RALGPS2: variants seen among roughly 807,000 people sequenced by gnomAD.
RALGPS2 encodes ras-specific guanine nucleotide-releasing factor RalGPS2.
Under a neutral mutation model 86.8 loss-of-function variants are expected in RALGPS2, and 43 were observed. The ratio of observed to expected loss-of-function variants is 0.50; its 90% CI spans 0.39 to 0.64. The LOEUF is 0.64. Ranked by LOEUF, RALGPS2 falls within the 30% of genes least tolerant of loss-of-function variation. The probability of loss-of-function intolerance (pLI) is 0.00; values close to 1 mark genes in which losing one functional copy is unlikely to be tolerated. For missense variants in RALGPS2, 536 were observed against 694.6 expected, an observed-to-expected ratio of 0.77 and a Z score of 2.57; for synonymous variants, 243 against 231.3, an observed-to-expected ratio of 1.05 and a Z score of -0.46.
At chr1:178,806,637 G>C (rs1654761715) in intron 4 of RALGPS2, among the ~76,000 whole-genome samples, 5 of 151,878 alleles carry the variant, frequency 3.3e-5, no homozygotes. Context: ...TTTGTTCTCT[G>C]AATATTTCTT....
intron 8 of RALGPS2, among the ~76,000 whole-genome samples, chr1:178,848,834 C>T (rs1317419651): frequency 1.3e-5 from 2 of 151,994 alleles, no homozygotes; most frequent in Non-Finnish European, 2.9e-5. Context: ...TTCACCATGT[C>T]GGCCAGGCTG....
At chr1:178,884,028 A>G (rs1030346427) in intron 11 of RALGPS2, among the ~76,000 whole-genome samples, 3 of 152,202 alleles carry the variant, frequency 2.0e-5, no homozygotes, top group Non-Finnish European at 4.4e-5. Flanking sequence ...AGTAGTGTAC[A>G]AACAAGTATG....
At chr1:178,788,780 T>G (rs1181923011) in intron 4 of RALGPS2, among the ~76,000 whole-genome samples, 1 of 152,064 alleles carries the variant, frequency 6.6e-6, no homozygotes, top group Non-Finnish European at 1.5e-5. Flanking sequence ...GTCGCTCTTT[T>G]TTTTCTCTTC....
chr1:178,878,403 T>C (rs997016030), intron 9 of RALGPS2, among the ~76,000 whole-genome samples: 1 of 152,172 alleles, frequency 6.6e-6, no homozygotes, highest in South Asian at 2.1e-4. Flanking sequence ...AAAAACTTCC[T>C]AAAACTATCA....
rs71108081 is a variant in RALGPS2, at chr1:178,856,394, A to ATTTTTTTTTTTTTT, written c.608-21085_608-21072dup. On this transcript the variant is annotated intron_variant, in intron 8 of 19. Coordinates refer to ENST00000367635, the MANE Select transcript of RALGPS2 (RefSeq NM_152663.5). The stretch of plus-strand genomic sequence containing the variant: ...AGGCAAGTGCCACCCTGCCTGGCTA[A>ATTTTTTTTTTTTTT]TTTTTTTTTTTTTTTTTTTTTTTTT... Among the ~76,000 whole-genome samples the ATTTTTTTTTTTTTT allele has an allele frequency of 2.6e-3, 95 of 36,432 alleles. 21 individuals are homozygous for ATTTTTTTTTTTTTT. The highest frequency in any genetic ancestry group is 4.8e-3 in the African/African-American group (33 of 6,868). The allele number at this position is 36,432 out of a possible 152,430, so 23.9% of individuals were successfully genotyped here.
intron 1 of RALGPS2, among the ~76,000 whole-genome samples, chr1:178,739,303 T>C (rs1650893580): frequency 6.6e-6 from 1 of 152,210 alleles, no homozygotes; most frequent in Non-Finnish European, 1.5e-5. Flanking sequence ...GAGAGTGTTA[T>C]CATAAAAGTA....
chr1:178,808,967 C>T lies in RALGPS2; in HGVS notation c.297+839C>T, dbSNP rs140171728. 1.2e-3 allele frequency among the ~76,000 whole-genome samples: 180 copies of T among 152,176 alleles called. 1 individual carries two copies. Among genetic ancestry groups the T allele is most frequent in the East Asian group, 7.0e-3 (36 of 5,170 alleles). ...CTGCAACCAGTCCTCCTGACTCAGC[C>T]TCTCAGGTAGCCAGGACTACAGGCA... is the stretch of plus-strand genomic sequence containing the variant. On this transcript the variant is annotated intron_variant, in intron 5 of 19. Coordinates refer to ENST00000367635, the MANE Select transcript of RALGPS2 (RefSeq NM_152663.5).
intron 6 of RALGPS2, among the ~76,000 whole-genome samples, chr1:178,816,423 A>C (rs1260115093): frequency 6.6e-6 from 1 of 152,036 alleles, no homozygotes; most frequent in Non-Finnish European, 1.5e-5. Context: ...CCATATTTTT[A>C]ATAGGATTGT....
chr1:178,755,848 T>C (rs1353320392), intron 1 of RALGPS2, among the ~76,000 whole-genome samples: 1 of 151,684 alleles, frequency 6.6e-6, no homozygotes, highest in African/African-American at 2.4e-5. Context: ...CTCCAACATC[T>C]CTTATTTCTT....
At chr1:178,730,061 C>T (rs1650247868) in intron 1 of RALGPS2, among the ~76,000 whole-genome samples, 1 of 152,212 alleles carries the variant, frequency 6.6e-6, no homozygotes, top group Non-Finnish European at 1.5e-5. Context: ...CCTGCCTCAG[C>T]TTCCCAGGTA....
At chr1:178,844,400 A>T (rs953664949) in intron 8 of RALGPS2, among the ~76,000 whole-genome samples, 3 of 152,110 alleles carry the variant, frequency 2.0e-5, no homozygotes, top group African/African-American at 7.2e-5. Context: ...ATGCTGGTAA[A>T]ACTCTTATTT....
chr1:178,770,507 C>CTTTTTT (rs747336558), intron 1 of RALGPS2, among the ~76,000 whole-genome samples: 2 of 136,212 alleles, frequency 1.5e-5, no homozygotes, highest in African/African-American at 2.7e-5. Flanking sequence ...ATACTTCATA[C>CTTTTTT]TTTTTTTTTT....
intron 8 of RALGPS2, among the ~76,000 whole-genome samples, chr1:178,837,218 C>G (rs1656323468): frequency 1.3e-5 from 2 of 152,126 alleles, no homozygotes; most frequent in South Asian, 4.1e-4. Flanking sequence ...ATCTGTATAT[C>G]TTAGCTATCT....
chr1:178,852,419 T>C (rs1344386867), intron 8 of RALGPS2, among the ~76,000 whole-genome samples: 1 of 152,206 alleles, frequency 6.6e-6, no homozygotes, highest in Non-Finnish European at 1.5e-5. Context: ...TGTAGGCACT[T>C]GCATTTTATT....
Position 178,792,555 on chromosome 1 carries a change from T to C in RALGPS2, c.213+6948T>C, listed in dbSNP as rs964312559. The stretch of plus-strand genomic sequence containing the variant: ...CTGTCTGTGGTTGTTGGGACTGAGA[T>C]TGGTCACAGCTCAGTCAGTTATATA... On this transcript the variant is annotated intron_variant, in intron 4 of 19. Coordinates refer to ENST00000367635, the MANE Select transcript of RALGPS2 (RefSeq NM_152663.5). Among the ~76,000 whole-genome samples, 7 of 152,146 alleles carry C rather than the reference T, an allele frequency of 4.6e-5. 1 individual carries two copies. The South Asian group carries it at 1.2e-3, about 27-fold the overall frequency.
At chr1:178,835,424 G>T (rs187383469) in intron 8 of RALGPS2, among the ~76,000 whole-genome samples, 6 of 136,184 alleles carry the variant, frequency 4.4e-5, no homozygotes, top group African/African-American at 8.4e-5. Flanking sequence ...ACAGAGTCTC[G>T]CTCTGTTGTC....
At chr1:178,863,945 G>A (rs1658210186) in intron 8 of RALGPS2, among the ~76,000 whole-genome samples, 1 of 152,102 alleles carries the variant, frequency 6.6e-6, no homozygotes, top group Non-Finnish European at 1.5e-5. Flanking sequence ...CATAGTATAT[G>A]TTTTATGTCC....
intron 10 of RALGPS2, among the ~76,000 whole-genome samples, chr1:178,882,612 T>C (rs1659306979): frequency 6.6e-6 from 1 of 152,218 alleles, no homozygotes; most frequent in African/African-American, 2.4e-5. Context: ...TAAACAGTTT[T>C]TATTAAATTT....
intron 17 of RALGPS2, among the ~76,000 whole-genome samples, chr1:178,899,132 A>G (rs752766243): frequency 2.0e-5 from 3 of 151,952 alleles, no homozygotes; most frequent in Non-Finnish European, 4.4e-5. Context: ...AAAAAGTCCA[A>G]ATTAGAGAAG....
Sources: allele counts gnomAD v4.1 joint callset (sites outside exome capture counted in the v4.1 genomes callset), GRCh38; gene constraint gnomAD v4.1.1; transcripts MANE v1.5; gene names NCBI Gene and HGNC (gene_info 2026-07-23, HGNC 2026-07-21).